TENM3: variants seen among roughly 807,000 people sequenced by gnomAD.
TENM3 encodes teneurin-3.
Under a neutral mutation model 255.1 loss-of-function variants are expected in TENM3, and 63 were observed. The observed-to-expected ratio is 0.25, with a 90% CI of 0.20 to 0.30. TENM3 has a LOEUF of 0.30. Among genes scored for constraint, TENM3 ranks in the 10% least tolerant of loss-of-function variants. TENM3 has a pLI of 1.00. For synonymous variants in TENM3, 1,306 were observed against 1,322.3 expected (o/e 0.99, Z 0.27); for missense variants, 2,929 against 3,461.1 (o/e 0.85, Z 3.86).
chr4:182,717,349 C>T (rs1406509443), intron 13 of TENM3, among the ~76,000 whole-genome samples: 1 of 152,182 alleles, frequency 6.6e-6, no homozygotes, highest in Non-Finnish European at 1.5e-5. Flanking sequence ...GACTTATCTT[C>T]AGCCACCCTT....
At chr4:181,543,679 A>G in the TENM3 span, among the ~76,000 whole-genome samples, 405 of 152,344 alleles carry the variant, frequency 2.7e-3, 1 homozygote, top group Admixed American at 4.0e-3. Flanking sequence ...TATCAATTAT[A>G]AAACAGGCCC....
chr4:182,114,093 T>C, the TENM3 span, among the ~76,000 whole-genome samples: 1 of 152,204 alleles, frequency 6.6e-6, no homozygotes, highest in East Asian at 1.9e-4. Flanking sequence ...GCTTTCCTCT[T>C]TTCAATGCCT....
intron 1 of TENM3, among the ~76,000 whole-genome samples, chr4:182,216,584 G>A (rs1755485080): frequency 6.6e-6 from 1 of 152,230 alleles, no homozygotes; most frequent in Non-Finnish European, 1.5e-5. Flanking sequence ...TAAAGGTGAT[G>A]TACGTGTGAG....
At chr4:181,880,884 G>A in the TENM3 span, among the ~76,000 whole-genome samples, 24 of 152,072 alleles carry the variant, frequency 1.6e-4, no homozygotes, top group Non-Finnish European at 2.9e-4. Flanking sequence ...AACTTCCAAT[G>A]CCAGCCCCCG....
the TENM3 span, among the ~76,000 whole-genome samples, chr4:182,075,392 G>A: frequency 6.6e-6 from 1 of 151,868 alleles, no homozygotes; most frequent in Non-Finnish European, 1.5e-5. Context: ...TAGAGACGGG[G>A]TTTCACCATG....
chr4:182,478,740 C>A (rs1468846450), intron 3 of TENM3, among the ~76,000 whole-genome samples: 1 of 151,916 alleles, frequency 6.6e-6, no homozygotes, highest in Non-Finnish European at 1.5e-5. Flanking sequence ...AGGAAATACA[C>A]AAACCTGGGT....
At chr4:181,700,566 A>G in the TENM3 span, among the ~76,000 whole-genome samples, 1 of 152,190 alleles carries the variant, frequency 6.6e-6, no homozygotes, top group Non-Finnish European at 1.5e-5. Flanking sequence ...ACATGAGCAG[A>G]AGCGTAAGGA....
chr4:182,694,835 AC>A (rs1451520361), intron 12 of TENM3, among the ~76,000 whole-genome samples: 3 of 152,146 alleles, frequency 2.0e-5, no homozygotes, highest in African/African-American at 4.8e-5. Flanking sequence ...AAAGAGCAAA[AC>A]TTTTACTGAT....
At chr4:182,204,239 A>G (rs1328572257) in intron 1 of TENM3, among the ~76,000 whole-genome samples, 1 of 152,174 alleles carries the variant, frequency 6.6e-6, no homozygotes, top group African/African-American at 2.4e-5. Context: ...CAGATTTCAA[A>G]TGGTGGTGTT....
chr4:181,813,478 G>C, the TENM3 span, among the ~76,000 whole-genome samples: 3 of 152,194 alleles, frequency 2.0e-5, no homozygotes, highest in African/African-American at 7.2e-5. Flanking sequence ...GAAGAGAAAG[G>C]CAGTGTTGAA....
At chr4:182,482,965 G>A (rs1734339614) in intron 3 of TENM3, among the ~76,000 whole-genome samples, 1 of 152,088 alleles carries the variant, frequency 6.6e-6, no homozygotes, top group Admixed American at 6.5e-5. Flanking sequence ...TATACTTAAA[G>A]TTTTCATTGA....
chr4:181,628,624 G>C, the TENM3 span, among the ~76,000 whole-genome samples: 1 of 152,192 alleles, frequency 6.6e-6, no homozygotes, highest in Non-Finnish European at 1.5e-5. Flanking sequence ...TGTCGGGTTT[G>C]TTGAAGATCA....
intron 12 of TENM3, among the ~76,000 whole-genome samples, chr4:182,706,939 A>G (rs569189346): frequency 1.3e-5 from 2 of 151,456 alleles, no homozygotes; most frequent in East Asian, 3.9e-4. Context: ...AGCCTGGGTG[A>G]CAGAGTGAGA....
At chr4:181,830,424 C>T in the TENM3 span, among the ~76,000 whole-genome samples, 1 of 152,090 alleles carries the variant, frequency 6.6e-6, no homozygotes, top group African/African-American at 2.4e-5. Context: ...TATGTGCCAT[C>T]ATGCCCAGCT....
chr4:182,076,831 A>G, the TENM3 span, among the ~76,000 whole-genome samples: 1 of 152,180 alleles, frequency 6.6e-6, no homozygotes, highest in Non-Finnish European at 1.5e-5. Context: ...ATGTAAGCAC[A>G]TAGGCACGGC....
At chr4:181,674,933 AC>A in the TENM3 span, among the ~76,000 whole-genome samples, 2 of 152,164 alleles carry the variant, frequency 1.3e-5, no homozygotes, top group South Asian at 4.1e-4. Flanking sequence ...TGAATTACAA[AC>A]AGGCTGTATA....
At chr4:182,108,579 T>A in the TENM3 span, among the ~76,000 whole-genome samples, 37 of 152,212 alleles carry the variant, frequency 2.4e-4, no homozygotes, top group African/African-American at 8.4e-4. Flanking sequence ...ATGGAATGAA[T>A]GAGACCTATT....
At chr4:181,639,680 C>T in the TENM3 span, among the ~76,000 whole-genome samples, 1 of 152,150 alleles carries the variant, frequency 6.6e-6, no homozygotes. Context: ...GCAGAGGTTG[C>T]AGTGGGCCGA....
At chr4:182,243,093 G>C (rs185807756), upstream of TENM3, among the ~76,000 whole-genome samples, 10 of 152,262 alleles carry the variant, frequency 6.6e-5, no homozygotes, top group African/African-American at 2.4e-4. Context: ...AATGTCTTAA[G>C]GGTAAATGTC....
Sources: allele counts gnomAD v4.1 joint callset (sites outside exome capture counted in the v4.1 genomes callset), GRCh38; gene constraint gnomAD v4.1.1; transcripts MANE v1.5; gene names NCBI Gene and HGNC (gene_info 2026-07-23, HGNC 2026-07-21).